The following ATXN2 variants were observed in gnomAD, a reference collection of about 807,000 sequenced individuals.
ATXN2 encodes ataxin-2.
In ATXN2, 37 loss-of-function variants were observed where a neutral mutation model predicts 138.6. The ratio of observed to expected loss-of-function variants is 0.27; its 90% CI spans 0.21 to 0.35. The LOEUF (loss-of-function observed/expected upper bound fraction) is 0.35, where lower values mean the gene tolerates loss of function less well. Ranked by LOEUF, ATXN2 falls within the 10% of genes least tolerant of loss-of-function variation. The pLI is 1.00. For missense variants in ATXN2, 1,216 were observed against 1,480.3 expected, an observed-to-expected ratio of 0.82 and a Z score of 2.93; for synonymous variants, 549 against 543.7, an observed-to-expected ratio of 1.01 and a Z score of -0.13.
chr12:111,564,548 A>C (rs1882883863), intron 1 of ATXN2, among the ~76,000 whole-genome samples: 1 of 151,934 alleles, frequency 6.6e-6, no homozygotes. Flanking sequence ...AATACTTATT[A>C]CCTGAGACTT....
intron 14 of ATXN2, among the ~76,000 whole-genome samples, chr12:111,494,678 C>T (rs1484609000): frequency 6.6e-6 from 1 of 152,088 alleles, no homozygotes; most frequent in Non-Finnish European, 1.5e-5. Context: ...CCCACCTCGG[C>T]CTCCCAAAGT....
intron 18 of ATXN2, among the ~76,000 whole-genome samples, chr12:111,472,905 T>C (rs997655126): frequency 1.3e-5 from 2 of 152,200 alleles, no homozygotes; most frequent in African/African-American, 4.8e-5. Context: ...ATTGAAGGTA[T>C]ACTTTGTTCT....
intron 21 of ATXN2, among the ~76,000 whole-genome samples, chr12:111,463,709 A>T (rs986138302): frequency 1.3e-5 from 2 of 152,042 alleles, no homozygotes; most frequent in African/African-American, 4.8e-5. Flanking sequence ...GGGAGAGGGG[A>T]CCTGTGCTGT....
intron 1 of ATXN2, among the ~76,000 whole-genome samples, chr12:111,574,333 A>AG (rs1474592115): frequency 6.8e-6 from 1 of 147,462 alleles, no homozygotes; most frequent in African/African-American, 2.5e-5. Flanking sequence ...AAAAAAAAAA[A>AG]GGTATGGAGA....
At chr12:111,468,664 CAAG>C (rs1270728617) in intron 20 of ATXN2, 4 of 147,102 alleles carry the variant, frequency 2.7e-5, no homozygotes, top group Admixed American at 2.7e-4. Flanking sequence ...AGTAATGTCT[CAAG>C]AAGAAGGTTT....
At chr12:111,507,064 G>A (rs1798964221) in intron 14 of ATXN2, among the ~76,000 whole-genome samples, 1 of 152,156 alleles carries the variant, frequency 6.6e-6, no homozygotes, top group Non-Finnish European at 1.5e-5. Flanking sequence ...TGCCGAGATT[G>A]CAGCCTCTGC....
At chr12:111,471,456 A>G (rs1282665483) in intron 18 of ATXN2, 1 of 152,186 alleles carries the variant, frequency 6.6e-6, no homozygotes, top group Non-Finnish European at 1.5e-5. Context: ...TTCCTCACAC[A>G]TTTCTTACAG....
chr12:111,530,556 T>C, intron 5 of ATXN2, among the ~76,000 whole-genome samples: 1 of 152,238 alleles, frequency 6.6e-6, no homozygotes, highest in Non-Finnish European at 1.5e-5. Flanking sequence ...GGCTCACGCC[T>C]GTAATCTCAG....
intron 11 of ATXN2, chr12:111,511,481 AT>A (rs1879515019): frequency 6.7e-6 from 1 of 150,120 alleles, no homozygotes. Flanking sequence ...TTTTTTTGAA[AT>A]GGAGTCTCAC....
chr12:111,479,390 TAAAAAAAAAAAAAAA>T (rs33967202), intron 18 of ATXN2, among the ~76,000 whole-genome samples: 2 of 49,848 alleles, frequency 4.0e-5, no homozygotes, highest in Non-Finnish European at 8.2e-5. Flanking sequence ...CCGTCTCTGC[TAAAAAAAAAAAAAAA>T]AAAAAAAAAA....
intron 1 of ATXN2, among the ~76,000 whole-genome samples, chr12:111,588,236 T>C (rs1194989957): frequency 6.7e-6 from 1 of 148,644 alleles, no homozygotes; most frequent in African/African-American, 2.6e-5. Flanking sequence ...AAATTGACAT[T>C]GTAAAGTCAC....
Position 111,598,688 on chromosome 12 carries a change from G to T in ATXN2, c.251+96C>A. Reference sequence around the variant, plus strand: ...GCTGCCGGCCCCCAGCCCACCCCGGGTAGCCCGGCGGGTCACGGGGCGGGG... The same window carrying T: ...GCTGCCGGCCCCCAGCCCACCCCGGTTAGCCCGGCGGGTCACGGGGCGGGG... On this transcript the variant is annotated intron_variant, in intron 1 of 24. Transcript: ENST00000673436. The surrounding 1 kb of genome is among the most constrained non-coding windows in gnomAD (Gnocchi z 4.5). 1 of 875,960 alleles carries T rather than the reference G, an allele frequency of 1.1e-6. No homozygotes were observed. Among genetic ancestry groups the T allele is most frequent in the Non-Finnish European group, 1.4e-6 (1 of 714,810 alleles). 54.3% of individuals were successfully genotyped at this position (875,960 alleles called of 1,614,324 possible).
chr12:111,547,913 C>A (rs1354732538), intron 5 of ATXN2, among the ~76,000 whole-genome samples: 1 of 137,730 alleles, frequency 7.3e-6, no homozygotes, highest in Admixed American at 7.8e-5. Flanking sequence ...AACTTACTGG[C>A]TGGGCACAGT....
intron 1 of ATXN2, among the ~76,000 whole-genome samples, chr12:111,570,403 T>C (rs1204145943): frequency 6.6e-6 from 1 of 152,234 alleles, no homozygotes; most frequent in African/African-American, 2.4e-5. Flanking sequence ...TCTTTCTAAA[T>C]ACGTTGAAAT....
Position 111,510,413 on chromosome 12 carries a change from C to G in ATXN2, c.1728G>C (p.Ser576=), listed in dbSNP as rs749304471. The G allele has an allele frequency of 2.5e-6, 4 of 1,614,030 alleles. No individual in the cohort carries two copies. In the East Asian group the frequency reaches 6.7e-5, roughly 27 times the overall value. ...AASPTPASPA[S]NRAVTPSSEA... ...CACTAGAAGGGGTAACAGCTCTGTTCGATGCAGGACTAGCAGGCGTAGGAG... is the reference window on the plus strand; with the variant it reads ...CACTAGAAGGGGTAACAGCTCTGTTGGATGCAGGACTAGCAGGCGTAGGAG... Residue 576 remains serine (S), a synonymous_variant, in exon 12 of 25, where the codon TCG becomes TCC. Coordinates refer to ENST00000673436, the MANE Select transcript of ATXN2 (RefSeq NM_001372574.1).
rs556840575 is a variant in ATXN2 at position 111,508,607 on chromosome 12, T to C, written c.1935+942A>G. Among the ~76,000 whole-genome samples the C allele has an allele frequency of 2.6e-5, 4 of 151,822 alleles. No individual in the cohort carries two copies. The South Asian group carries it at 8.3e-4, about 32-fold the overall frequency. ...GATTACAAGTGTGCGCCACCATGCC[T>C]AGCTAATTTTTCTATTTTTGGTCAA... On this transcript the variant is annotated intron_variant, in intron 14 of 24. Transcript: ENST00000673436.
chr12:111,552,491 T>G lies in ATXN2; in HGVS notation c.421-61A>C. On this transcript the variant is annotated intron_variant, in intron 4 of 24. Coordinates refer to ENST00000673436, the MANE Select transcript of ATXN2 (RefSeq NM_001372574.1). The surrounding 1 kb of genome is among the most constrained non-coding windows in gnomAD (Gnocchi z 4.1). Reference sequence around the variant, plus strand: ...TTACAAAATAAAATTTGTTAGGAATTCTTTAGCTCATCAAGGTACCAGTTC... The same window carrying G: ...TTACAAAATAAAATTTGTTAGGAATGCTTTAGCTCATCAAGGTACCAGTTC... The G allele has an allele frequency of 6.5e-7, 1 of 1,528,078 alleles. No homozygotes were observed. The highest frequency in any genetic ancestry group is 1.3e-5 in the South Asian group (1 of 78,002). The allele number at this position is 1,528,078 out of a possible 1,614,324, so 94.7% of individuals were successfully genotyped here. A position where few individuals can be genotyped will look rare whatever the true frequency, so the allele number is the denominator to read the frequency against.
intron 1 of ATXN2, among the ~76,000 whole-genome samples, chr12:111,573,829 C>T (rs1369121074): frequency 6.6e-6 from 1 of 150,708 alleles, no homozygotes; most frequent in Non-Finnish European, 1.5e-5. Context: ...ATAAAATGTT[C>T]ATCTTTTCAC....
chr12:111,506,635 C>A (rs117864178), intron 14 of ATXN2, among the ~76,000 whole-genome samples: 1 of 146,206 alleles, frequency 6.8e-6, no homozygotes, highest in Non-Finnish European at 1.5e-5. Context: ...TCCCTCTCCC[C>A]CCCTCCCCCT....
Sources: gnomAD v4.1 joint callset for allele counts (sites outside exome capture counted in the v4.1 genomes callset) on GRCh38, gnomAD v4.1.1 for gene constraint, Gnocchi (gnomAD v3.1) non-coding constraint, MANE v1.5 for transcripts, NCBI Gene and HGNC (gene_info 2026-07-23, HGNC 2026-07-21) for gene names.